ROR1: variants seen among roughly 807,000 people sequenced by gnomAD.
The protein encoded by ROR1 is ROR family WNT receptor 1.
Under a neutral mutation model 78.8 loss-of-function variants are expected in ROR1, and 19 were observed. The ratio of observed to expected loss-of-function variants is 0.24; its 90% confidence interval spans 0.17 to 0.35. The LOEUF is 0.35. ROR1 is among the 10% of genes least tolerant of loss of function. The pLI, the probability that ROR1 is intolerant of heterozygous loss-of-function variation, is 1.00. For synonymous variants in ROR1, 386 were observed against 433.6 expected (o/e 0.89, Z 1.36); for missense variants, 917 against 1,177.8 (o/e 0.78, Z 3.24).
At chr1:64,020,188 G>A in intron 2 of ROR1, among the ~76,000 whole-genome samples, 1 of 152,190 alleles carries the variant, frequency 6.6e-6, no homozygotes, top group Non-Finnish European at 1.5e-5. Context: ...AAGCCACTAA[G>A]TTTGTGATAA....
chr1:64,067,659 G>C (rs2100613427), intron 4 of ROR1, among the ~76,000 whole-genome samples: 1 of 148,908 alleles, frequency 6.7e-6, no homozygotes, highest in Non-Finnish European at 1.5e-5. Context: ...AATTGACTTT[G>C]AACCACAATG....
intron 4 of ROR1, among the ~76,000 whole-genome samples, chr1:64,080,374 C>G (rs1647091205): frequency 6.6e-6 from 1 of 152,182 alleles, no homozygotes; most frequent in Non-Finnish European, 1.5e-5. Flanking sequence ...TCAGCCAGCC[C>G]AAAATGACAA....
At position 64,140,224 on chromosome 1, in the gene ROR1, A is replaced by G. The variant is rs748840955; in HGVS notation, c.726A>G (p.Pro242=). ...FPYCDETSSV[P]KPRDLCRDEC... ...ACTGCGATGAAACTTCATCCGTCCC[A>G]AAGCCCCGTGACTTGTGTCGCGATG... Residue 242 remains proline, a synonymous_variant, in exon 6 of 9, where the codon CCA becomes CCG. Coordinates refer to ENST00000371079, the MANE Select transcript of ROR1 (RefSeq NM_005012.4). 1 of 1,614,158 alleles carries G rather than the reference A, an allele frequency of 6.2e-7. No individual in the cohort carries two copies. The highest frequency in any genetic ancestry group is 1.3e-5 in the African/African-American group (1 of 75,038).
At chr1:63,867,054 T>C (rs998318051) in intron 1 of ROR1, among the ~76,000 whole-genome samples, 5 of 152,244 alleles carry the variant, frequency 3.3e-5, no homozygotes, top group Non-Finnish European at 5.9e-5. Context: ...AGCTGAAGGC[T>C]GCCATGTAGT....
intron 4 of ROR1, chr1:64,094,644 T>C: frequency 6.5e-6 from 1 of 153,146 alleles, no homozygotes; most frequent in Non-Finnish European, 1.5e-5. Context: ...GGCTGGAGTA[T>C]AGTGGCACAA....
At chr1:63,836,973 TC>T in intron 1 of ROR1, among the ~76,000 whole-genome samples, 1 of 152,162 alleles carries the variant, frequency 6.6e-6, no homozygotes, top group South Asian at 2.1e-4. Flanking sequence ...CATCAAGACA[TC>T]GGTTCCCTGT....
intron 7 of ROR1, among the ~76,000 whole-genome samples, chr1:64,146,683 A>C (rs1275012756): frequency 1.4e-5 from 2 of 147,092 alleles, no homozygotes; most frequent in Non-Finnish European, 3.1e-5. Context: ...AAGGATTACA[A>C]ATTATACCTA....
rs995171655 is a variant in ROR1, at chr1:64,096,380, C to T, written c.483-40989C>T. On this transcript the variant is annotated intron_variant, in intron 4 of 8. Coordinates refer to ENST00000371079, the MANE Select transcript of ROR1 (RefSeq NM_005012.4). Reference sequence around the variant, plus strand: ...CATTAGTTATTTTTCCTGATCCTCTCCCTCCTCCCACTCTCCACCCTCCAA... The same window carrying T: ...CATTAGTTATTTTTCCTGATCCTCTTCCTCCTCCCACTCTCCACCCTCCAA... 5.3e-5 allele frequency among the ~76,000 whole-genome samples: 8 copies of T among 152,194 alleles called. 1 individual carries two copies. Among genetic ancestry groups the T allele is most frequent in the African/African-American group, 7.2e-5 (3 of 41,516 alleles).
intron 1 of ROR1, among the ~76,000 whole-genome samples, chr1:63,982,962 A>C (rs1252738634): frequency 6.6e-6 from 1 of 152,194 alleles, no homozygotes; most frequent in Non-Finnish European, 1.5e-5. Context: ...GTGATGATTA[A>C]ATGAGCAATT....
intron 1 of ROR1, among the ~76,000 whole-genome samples, chr1:63,824,587 G>A (rs903818605): frequency 3.3e-5 from 5 of 152,060 alleles, no homozygotes; most frequent in African/African-American, 1.2e-4. Context: ...ATCTGGTTTT[G>A]CAAATTTGCT....
intron 1 of ROR1, among the ~76,000 whole-genome samples, chr1:63,955,053 A>G (rs1170083318): frequency 6.6e-6 from 1 of 152,140 alleles, no homozygotes; most frequent in African/African-American, 2.4e-5. Context: ...GTGATTAGTA[A>G]CATATTGGGT....
intron 4 of ROR1, among the ~76,000 whole-genome samples, chr1:64,084,855 G>A (rs957920141): frequency 2.0e-5 from 3 of 152,214 alleles, no homozygotes; most frequent in African/African-American, 7.2e-5. Flanking sequence ...AGTGGGCTGT[G>A]CAGGTGTGTG....
chr1:63,942,259 T>C (rs1431888071), intron 1 of ROR1, among the ~76,000 whole-genome samples: 1 of 152,224 alleles, frequency 6.6e-6, no homozygotes, highest in Non-Finnish European at 1.5e-5. Context: ...TTCCCATGTT[T>C]GATAAAAACA....
At chr1:64,021,249 T>C (rs1383783556) in intron 2 of ROR1, among the ~76,000 whole-genome samples, 2 of 152,228 alleles carry the variant, frequency 1.3e-5, no homozygotes, top group Non-Finnish European at 2.9e-5. Context: ...CCATGGTCTT[T>C]ACTTGTCTTC....
At chr1:63,777,431 C>A (rs971783163) in intron 1 of ROR1, among the ~76,000 whole-genome samples, 1 of 152,156 alleles carries the variant, frequency 6.6e-6, no homozygotes, top group Non-Finnish European at 1.5e-5. Flanking sequence ...GAAAATCCTC[C>A]CTGGCTGGCT....
chr1:64,129,938 C>T (rs994193807), intron 4 of ROR1, among the ~76,000 whole-genome samples: 5 of 152,146 alleles, frequency 3.3e-5, no homozygotes, highest in Non-Finnish European at 7.4e-5. Context: ...ACAAGTAACT[C>T]TTCCGTGCTG....
intron 1 of ROR1, among the ~76,000 whole-genome samples, chr1:63,969,318 G>A (rs1374648777): frequency 1.3e-5 from 2 of 152,024 alleles, no homozygotes; most frequent in Non-Finnish European, 1.5e-5. Context: ...GAATTCTTTG[G>A]TTCTTCCCAG....
chr1:64,004,307 A>G (rs1646410890), intron 1 of ROR1, among the ~76,000 whole-genome samples: 1 of 152,246 alleles, frequency 6.6e-6, no homozygotes, highest in African/African-American at 2.4e-5. Flanking sequence ...TAAAATAGAT[A>G]AAAGTAGAGT....
intron 1 of ROR1, among the ~76,000 whole-genome samples, chr1:63,826,751 T>G (rs1315898586): frequency 6.6e-6 from 1 of 151,630 alleles, no homozygotes; most frequent in Non-Finnish European, 1.5e-5. Flanking sequence ...CTCCACAACC[T>G]CACAATGGTA....
Sources: allele counts gnomAD v4.1 joint callset (sites outside exome capture counted in the v4.1 genomes callset), GRCh38; gene constraint gnomAD v4.1.1; transcripts MANE v1.5; gene names NCBI Gene and HGNC (gene_info 2026-07-23, HGNC 2026-07-21).